The following PARN variants were observed in gnomAD, a reference collection of about 807,000 sequenced individuals.
PARN encodes poly(A)-specific ribonuclease.
PARN carries 71 observed loss-of-function variants against 102.8 expected under a neutral mutation model. The ratio of observed to expected loss-of-function variants is 0.69; its 90% CI spans 0.57 to 0.84. The LOEUF is 0.84. Ranked by LOEUF, PARN falls within the 40% of genes least tolerant of loss-of-function variation. PARN has a pLI of 0.00. For missense variants in PARN, 782 were observed against 760.9 expected (o/e 1.03, Z -0.33); for synonymous variants, 261 against 252.9 (o/e 1.03, Z -0.30).
chr16:14,462,893 AGCACAGTGATCCC>A (rs1219880217), intron 22 of PARN, among the ~76,000 whole-genome samples: 1 of 152,224 alleles, frequency 6.6e-6, no homozygotes, highest in Admixed American at 6.5e-5. Context: ...TGGGCAAGGA[AGCACAGTGATCCC>A]TGAGAGACAG....
intron 20 of PARN, among the ~76,000 whole-genome samples, chr16:14,552,362 C>T (rs1967360974): frequency 6.6e-6 from 1 of 152,174 alleles, no homozygotes; most frequent in African/African-American, 2.4e-5. Context: ...AAGATCCTTC[C>T]AGATTAAACC....
In PARN at chr16:14,472,286, C is replaced by T. The variant is rs576385822; in HGVS notation, c.1670+10352G>A. On this transcript the variant is annotated intron_variant, in intron 22 of 23. Transcript: ENST00000437198. Reference sequence around the variant, plus strand: ...TTTAAAATTCTGCATTTTACATTAACGAGACTCTAGTTTTATGCTGAATAT... The same window carrying T: ...TTTAAAATTCTGCATTTTACATTAATGAGACTCTAGTTTTATGCTGAATAT... 2.6e-5 allele frequency among the ~76,000 whole-genome samples: 4 copies of T among 152,198 alleles called. No homozygotes were observed. In the East Asian group the frequency reaches 5.8e-4, roughly 22 times the overall value.
chr16:14,624,153 T>G (rs977129138), intron 5 of PARN, among the ~76,000 whole-genome samples: 2 of 152,142 alleles, frequency 1.3e-5, no homozygotes, highest in African/African-American at 4.8e-5. Context: ...AAGAACATAT[T>G]AAATTGTTGT....
intron 18 of PARN, among the ~76,000 whole-genome samples, chr16:14,563,179 T>C (rs1018147553): frequency 6.6e-6 from 1 of 152,218 alleles, no homozygotes; most frequent in Non-Finnish European, 1.5e-5. Flanking sequence ...AATCACAGAT[T>C]TGATTCACAA....
chr16:14,539,418 A>G (rs1056253051), intron 21 of PARN, among the ~76,000 whole-genome samples: 1 of 152,354 alleles, frequency 6.6e-6, no homozygotes, highest in East Asian at 1.9e-4. Context: ...TTCTCATACC[A>G]GTTAATGCCC....
chr16:14,599,091 G>A (rs1473142240), intron 12 of PARN, among the ~76,000 whole-genome samples: 2 of 133,388 alleles, frequency 1.5e-5, no homozygotes, highest in African/African-American at 5.8e-5. Context: ...CACCCAGGCT[G>A]GGGTGCAATG....
At chr16:14,469,941 G>T (rs1180174740) in intron 22 of PARN, among the ~76,000 whole-genome samples, 1 of 151,930 alleles carries the variant, frequency 6.6e-6, no homozygotes, top group Non-Finnish European at 1.5e-5. Context: ...GTATGCTGAG[G>T]GCAATTTGTT....
At chr16:14,440,281 G>A (rs1384870952) in intron 23 of PARN, among the ~76,000 whole-genome samples, 4 of 152,070 alleles carry the variant, frequency 2.6e-5, no homozygotes, top group African/African-American at 9.7e-5. Flanking sequence ...AAAAACCAAA[G>A]CCACAATGAG....
At chr16:14,497,585 C>T (rs912797186) in intron 21 of PARN, among the ~76,000 whole-genome samples, 3 of 152,210 alleles carry the variant, frequency 2.0e-5, no homozygotes, top group Admixed American at 6.5e-5. Context: ...ATTAGTGATA[C>T]GGTGATAAAG....
chr16:14,446,953 G>T lies in PARN; in HGVS notation c.1799C>A (p.Pro600His). The change falls in exon 23 of 24, where the codon CCC becomes CAC. Residue 600 changes from proline (P) to histidine (H), a missense_variant. Pro to His is a moderately conservative substitution (Grantham distance 77). Coordinates refer to ENST00000437198, the MANE Select transcript of PARN (RefSeq NM_002582.4). ...GGCCTTTTTCCTTCCCTCTGAGAGG[G>T]GCTCTGCACAGGAATCGGTCTGCTC... is the stretch of plus-strand genomic sequence containing the variant. ...ELEQTDSCAE[P>H]LSEGRKKAKK... 1 of 1,613,566 alleles carries T rather than the reference G, an allele frequency of 6.2e-7. No individual in the cohort carries two copies. Among genetic ancestry groups the T allele is most frequent in the Non-Finnish European group, 8.5e-7 (1 of 1,179,670 alleles).
At chr16:14,478,432 G>A (rs918163859) in intron 22 of PARN, among the ~76,000 whole-genome samples, 2 of 152,184 alleles carry the variant, frequency 1.3e-5, no homozygotes, top group African/African-American at 2.4e-5. Flanking sequence ...TAACGTACTA[G>A]AAATGGAAAG....
chr16:14,458,015 T>C (rs1340803682), intron 22 of PARN, among the ~76,000 whole-genome samples: 1 of 151,754 alleles, frequency 6.6e-6, no homozygotes, highest in African/African-American at 2.4e-5. Context: ...AAAGCTTACT[T>C]GTGAATACGA....
intron 23 of PARN, among the ~76,000 whole-genome samples, chr16:14,442,559 C>T (rs143898300): frequency 7.2e-4 from 109 of 152,126 alleles, no homozygotes; most frequent in African/African-American, 2.4e-3. Flanking sequence ...AACTAGAAGC[C>T]CTGAAGGAGA....
chr16:14,538,925 G>A lies in PARN; in HGVS notation c.1480+13096C>T, dbSNP rs144636989. Among the ~76,000 whole-genome samples, 6 of 152,310 alleles carry A rather than the reference G, an allele frequency of 3.9e-5. No homozygotes were observed. In the East Asian group the frequency reaches 1.2e-3, roughly 29 times the overall value. On this transcript the variant is annotated intron_variant, in intron 21 of 23. Transcript: ENST00000437198. ...TAAATTGCACATATGAGGAATCTAG[G>A]TTGTGCACTCCCAGAATCTAATGTC...
intron 21 of PARN, among the ~76,000 whole-genome samples, chr16:14,526,173 T>C (rs1965987772): frequency 6.7e-6 from 1 of 148,316 alleles, no homozygotes; most frequent in Non-Finnish European, 1.5e-5. Context: ...AAATAAATCA[T>C]CCACTGTTTT....
intron 13 of PARN, among the ~76,000 whole-genome samples, chr16:14,590,878 G>C (rs184950807): frequency 6.6e-6 from 1 of 152,250 alleles, no homozygotes; most frequent in Admixed American, 6.5e-5. Flanking sequence ...TAAGAAATGT[G>C]AAGTAACTGA....
intron 12 of PARN, among the ~76,000 whole-genome samples, chr16:14,599,037 CTTTTTTT>C (rs71150194): frequency 2.8e-4 from 23 of 81,462 alleles, no homozygotes; most frequent in African/African-American, 6.9e-4. Context: ...TTCTCCTCTT[CTTTTTTT>C]TTTTTTTTTT....
intron 21 of PARN, among the ~76,000 whole-genome samples, chr16:14,520,678 G>C (rs1472326765): frequency 2.0e-5 from 3 of 150,998 alleles, no homozygotes; most frequent in Non-Finnish European, 4.4e-5. Flanking sequence ...CAGACTGGGT[G>C]ATGGGAGTGA....
At chr16:14,520,310 AAGAT>A (rs1965670980) in intron 21 of PARN, among the ~76,000 whole-genome samples, 1 of 152,202 alleles carries the variant, frequency 6.6e-6, no homozygotes, top group East Asian at 1.9e-4. Context: ...TCAGTGGAAA[AAGAT>A]AAACTCATGA....
Sources: gnomAD v4.1 joint callset for allele counts (sites outside exome capture counted in the v4.1 genomes callset) on GRCh38, gnomAD v4.1.1 for gene constraint, MANE v1.5 for transcripts, NCBI Gene and HGNC (gene_info 2026-07-23, HGNC 2026-07-21) for gene names.